The following DDX55 variants were observed in gnomAD, a reference collection of about 807,000 sequenced individuals.
The protein encoded by DDX55 is DEAD-box helicase 55, also known as ATP-dependent RNA helicase DDX55.
In DDX55, 56 loss-of-function variants were observed where a neutral mutation model predicts 69.2. That is an observed-to-expected ratio of 0.81 (90% confidence interval 0.65 to 1.01). The LOEUF (loss-of-function observed/expected upper bound fraction) is 1.01. Among genes scored for constraint, DDX55 ranks in the 50% least tolerant of loss-of-function variants. The probability of loss-of-function intolerance (pLI) is 0.00; values close to 1 mark genes in which losing one functional copy is unlikely to be tolerated. For missense variants in DDX55, 720 were observed against 745.1 expected, an observed-to-expected ratio of 0.97 and a Z score of 0.39; for synonymous variants, 268 against 273.1, an observed-to-expected ratio of 0.98 and a Z score of 0.18.
chr12:123,619,355 A>G, intron 12 of DDX55, 77 bp from the exon 13 acceptor site: 1 of 1,518,826 alleles, frequency 6.6e-7, no homozygotes, highest in Non-Finnish European at 8.8e-7. Flanking sequence ...TTGGTTAGAA[A>G]AAAATTATAT....
chr12:123,620,258 C>T lies in DDX55; in HGVS notation c.*118C>T. 2.1e-6 allele frequency: 2 copies of T among 969,552 alleles called. No individual in the cohort carries two copies. Among genetic ancestry groups the T allele is most frequent in the Non-Finnish European group, 3.0e-6 (2 of 665,938 alleles). 60.1% of individuals were successfully genotyped at this position (969,552 alleles called of 1,614,324 possible). On this transcript the variant is annotated 3_prime_UTR_variant, in exon 14 of 14. Coordinates refer to ENST00000238146, the MANE Select transcript of DDX55 (RefSeq NM_020936.3). ...GAGACATCTGAAAAGAATGATGTCT[C>T]TGAAAGCTGTCCTTTCAGATGAGGG...
In DDX55 at chr12:123,602,221, C is replaced by T; in HGVS notation, c.73C>T (p.Arg25Trp). Reference sequence around the variant, plus strand: ...GCACCCGCAGGTGCTGGGCGCGCTGCGGGAGCTGGGCTTCCCGTACATGAC... The same window carrying T: ...GCACCCGCAGGTGCTGGGCGCGCTGTGGGAGCTGGGCTTCCCGTACATGAC... ...PLHPQVLGAL[R>W]ELGFPYMTPV... The change falls in exon 1 of 14, where the codon CGG (arginine) becomes TGG (tryptophan). Residue 25 changes from arginine (R) to tryptophan (W), a missense_variant. Arg to Trp is a moderately radical substitution (Grantham distance 101). Coordinates refer to ENST00000238146, the MANE Select transcript of DDX55 (RefSeq NM_020936.3). 2 of 1,571,088 alleles carry T rather than the reference C, an allele frequency of 1.3e-6. No individual in the cohort carries two copies. The highest frequency in any genetic ancestry group is 2.3e-5 in the South Asian group (2 of 86,096).
intron 5 of DDX55, 50 bp downstream of exon 5, chr12:123,607,712 C>T: frequency 6.2e-7 from 1 of 1,613,022 alleles, no homozygotes. Context: ...TGGCATTGAA[C>T]CTAAGAATCG....
chr12:123,608,961 A>G (rs992209357), intron 6 of DDX55, 132 bp downstream of exon 6: 28 of 932,906 alleles, frequency 3.0e-5, no homozygotes, highest in Non-Finnish European at 3.9e-5. Context: ...TTTTTTATTT[A>G]TTTGTTTATT....
intron 9 of DDX55, among the ~76,000 whole-genome samples, chr12:123,616,017 A>T (rs1288582324): frequency 6.6e-6 from 1 of 151,946 alleles, no homozygotes; most frequent in Non-Finnish European, 1.5e-5. Context: ...AAAACAAAAA[A>T]CTGTCTGTGG....
At chr12:123,617,163 T>A (rs1954738702) in intron 10 of DDX55, among the ~76,000 whole-genome samples, 1 of 152,164 alleles carries the variant, frequency 6.6e-6, no homozygotes, top group Non-Finnish European at 1.5e-5. Flanking sequence ...ACCCGTTGTT[T>A]TAAGTAGCAA....
intron 11 of DDX55, chr12:123,618,427 C>T: frequency 8.7e-7 from 1 of 1,153,456 alleles, no homozygotes; most frequent in Non-Finnish European, 1.3e-6. Flanking sequence ...GAATAGAGAC[C>T]CAGTGTTGCC....
intron 12 of DDX55, among the ~76,000 whole-genome samples, chr12:123,619,148 G>A (rs990182933): frequency 2.6e-5 from 4 of 152,134 alleles, no homozygotes; most frequent in South Asian, 2.1e-4. Context: ...GACTACAGGC[G>A]CCCGCCACCA....
At chr12:123,614,913 G>A (rs1039767242) in intron 8 of DDX55, among the ~76,000 whole-genome samples, 2 of 152,174 alleles carry the variant, frequency 1.3e-5, no homozygotes, top group Admixed American at 1.3e-4. Context: ...GAGATTTCCC[G>A]TGAGAACATC....
intron 8 of DDX55, 29 bp downstream of exon 8, chr12:123,613,281 A>T (rs373062073): frequency 1.2e-6 from 2 of 1,606,760 alleles, no homozygotes; most frequent in Admixed American, 3.3e-5. Flanking sequence ...TGGTAGAGGC[A>T]TCAGGGATTC....
At position 123,619,988 on chromosome 12, in the gene DDX55, A is replaced by G. The variant is rs765951123; in HGVS notation, c.1651A>G (p.Met551Val). ...GGGTTCTGATATTGAAGATGAGGAC[A>G]TGGAAGAACTTCTTAATGACACAAG... ...EEGSDIEDED[M>V]EELLNDTRLL... The change falls in exon 14 of 14, where the codon ATG becomes GTG. Residue 551 changes from methionine (M) to valine (V), a missense_variant. By Grantham distance (21) the Met-to-Val change is conservative. Transcript: ENST00000238146. 11 of 1,613,824 alleles carry G rather than the reference A, an allele frequency of 6.8e-6. No individual in the cohort carries two copies. Among genetic ancestry groups the G allele is most frequent in the Admixed American group, 3.3e-5 (2 of 59,938 alleles).
intron 7 of DDX55, among the ~76,000 whole-genome samples, chr12:123,612,886 T>C (rs1954367573): frequency 6.6e-6 from 1 of 151,914 alleles, no homozygotes; most frequent in African/African-American, 2.4e-5. Context: ...GATGGTGTAA[T>C]GGCTGGCATG....
At chr12:123,606,299 C>G in intron 3 of DDX55, 140 bp downstream of exon 3, 1 of 1,033,146 alleles carries the variant, frequency 9.7e-7, no homozygotes, top group Admixed American at 2.7e-5. Context: ...GAGACTGAGT[C>G]TGGAGGATCA....
Position 123,618,831 on chromosome 12 carries a change from T to C in DDX55, c.1327T>C (p.Leu443=). Residue 443 remains leucine (L), a synonymous_variant, in exon 12 of 14, where the codon TTA becomes CTA. Transcript: ENST00000238146. The part of the protein sequence containing the change: ...AKHECNLIFR[L]KDLDFASLAR... The stretch of plus-strand genomic sequence containing the variant: ...GCATGAATGCAACCTGATTTTCAGA[T>C]TAAAGGGTAAGTTGGACTTCTTCAT... 6.2e-7 allele frequency: 1 copy of C among 1,614,010 alleles called. No individual in the cohort carries two copies. Among genetic ancestry groups the C allele is most frequent in the Non-Finnish European group, 8.5e-7 (1 of 1,179,890 alleles).
Position 123,602,180 on chromosome 12 carries a change from C to T in DDX55, c.32C>T (p.Ser11Leu). 1 of 1,566,024 alleles carries T rather than the reference C, an allele frequency of 6.4e-7. No individual in the cohort carries two copies. The highest frequency in any genetic ancestry group is 8.6e-7 in the Non-Finnish European group (1 of 1,157,562). MEHVTEGSWE[S>L]LPVPLHPQVL... ...CATGTGACAGAGGGCTCCTGGGAGT[C>T]GCTGCCTGTGCCGCTGCACCCGCAG... is the stretch of plus-strand genomic sequence containing the variant. Residue 11 changes from serine to leucine, a missense_variant, in exon 1 of 14, where the codon TCG becomes TTG. Transcript: ENST00000238146.
Position 123,605,917 on chromosome 12 carries a change from A to T in DDX55, c.109-14A>T. ...GGCATCCTTTAACCAGTGCTTTGCA[A>T]TCTCTCTCTTTAGTCCGCAACCATC... is the stretch of plus-strand genomic sequence containing the variant. On this transcript the variant is annotated splice_polypyrimidine_tract_variant and intron_variant, in intron 1 of 13. Transcript: ENST00000238146. The T allele has an allele frequency of 6.2e-7, 1 of 1,614,048 alleles. No individual in the cohort carries two copies. The highest frequency in any genetic ancestry group is 1.3e-5 in the African/African-American group (1 of 74,998).
At chr12:123,610,740 T>C (rs1954173547) in intron 7 of DDX55, among the ~76,000 whole-genome samples, 1 of 145,580 alleles carries the variant, frequency 6.9e-6, no homozygotes, top group South Asian at 2.3e-4. Context: ...GCCTCCCGAA[T>C]AGCTGGGACT....
intron 10 of DDX55, among the ~76,000 whole-genome samples, chr12:123,617,086 G>T (rs1276028185): frequency 1.3e-5 from 2 of 152,232 alleles, no homozygotes; most frequent in African/African-American, 4.8e-5. Context: ...GGAGGCAGAG[G>T]TGGCAATGGA....
chr12:123,619,978 A>T lies in DDX55; in HGVS notation c.1641A>T (p.Glu547Asp). The T allele has an allele frequency of 1.2e-6, 2 of 1,613,202 alleles. No individual in the cohort carries two copies. Among genetic ancestry groups the T allele is most frequent in the Non-Finnish European group, 1.7e-6 (2 of 1,179,714 alleles). ...TCTGCACTTAGGGTTCTGATATTGA[A>T]GATGAGGACATGGAAGAACTTCTTA... ...KRKREEGSDI[E>D]DEDMEELLND... The change falls in exon 14 of 14, where the codon GAA becomes GAT. Residue 547 changes from glutamate to aspartate, a missense_variant. By Grantham distance (45) the Glu-to-Asp change is conservative. Transcript: ENST00000238146.
Sources: gnomAD v4.1 joint callset for allele counts (sites outside exome capture counted in the v4.1 genomes callset) on GRCh38, gnomAD v4.1.1 for gene constraint, MANE v1.5 for transcripts, NCBI Gene and HGNC (gene_info 2026-07-23, HGNC 2026-07-21) for gene names.